Variants in KCNH1 observed in about 807,000 individuals in gnomAD.
KCNH1 encodes voltage-gated delayed rectifier potassium channel KCNH1.
Under a neutral mutation model 69.2 loss-of-function variants are expected in KCNH1, and 27 were observed. The ratio of observed to expected loss-of-function variants is 0.39; its 90% confidence interval spans 0.29 to 0.54. The LOEUF (loss-of-function observed/expected upper bound fraction) is 0.54, where lower values mean the gene tolerates loss of function less well. KCNH1 is among the 20% of genes least tolerant of loss of function. The pLI is 0.68. For missense variants in KCNH1, 798 were observed against 1,261.6 expected, an observed-to-expected ratio of 0.63 and a Z score of 5.57; for synonymous variants, 456 against 487.7, an observed-to-expected ratio of 0.93 and a Z score of 0.86.
rs1410330503 is a variant in KCNH1, at chr1:210,856,898, T to TATATATATATAA, written c.1463-52733_1463-52732insTTATATATATAT. On this transcript the variant is annotated intron_variant, in intron 7 of 10. Coordinates refer to ENST00000271751, the MANE Select transcript of KCNH1 (RefSeq NM_172362.3). ...CCCACTATATATATATATATATATA[T>TATATATATATAA]AAAATACTCATGCCTGGTGTTTACT... 2.1e-4 allele frequency among the ~76,000 whole-genome samples: 26 copies of TATATATATATAA among 121,594 alleles called. 1 individual carries two copies. Among genetic ancestry groups the TATATATATATAA allele is most frequent in the East Asian group, 3.5e-4 (1 of 2,858 alleles). The allele number at this position is 121,594 out of a possible 152,430, so 79.8% of individuals were successfully genotyped here.
chr1:210,824,318 C>G (rs1276558063), intron 7 of KCNH1, among the ~76,000 whole-genome samples: 3 of 149,970 alleles, frequency 2.0e-5, no homozygotes, highest in Non-Finnish European at 4.4e-5. Flanking sequence ...TAGATATAAT[C>G]TACATAAGAT....
intron 7 of KCNH1, among the ~76,000 whole-genome samples, chr1:210,890,223 C>T (rs1686716133): frequency 6.6e-6 from 1 of 152,014 alleles, no homozygotes; most frequent in African/African-American, 2.4e-5. Flanking sequence ...AGAACAGAGG[C>T]CTCAGAAATA....
intron 7 of KCNH1, among the ~76,000 whole-genome samples, chr1:210,857,533 C>A (rs1390468291): frequency 2.0e-5 from 3 of 152,080 alleles, no homozygotes; most frequent in Non-Finnish European, 4.4e-5. Context: ...AAAATATACC[C>A]AAATGGGTGA....
chr1:210,788,950 C>T (rs910871130), intron 9 of KCNH1, among the ~76,000 whole-genome samples: 1 of 151,966 alleles, frequency 6.6e-6, no homozygotes, highest in African/African-American at 2.4e-5. Context: ...CCCGCCTCGG[C>T]CTCCCAAAGT....
intron 7 of KCNH1, among the ~76,000 whole-genome samples, chr1:210,905,463 A>G (rs1364676112): frequency 6.6e-6 from 1 of 152,158 alleles, no homozygotes; most frequent in Non-Finnish European, 1.5e-5. Context: ...TAGTCTGATC[A>G]GGATCCAAAT....
At chr1:211,070,960 C>T (rs887438903) in intron 5 of KCNH1, among the ~76,000 whole-genome samples, 1 of 152,100 alleles carries the variant, frequency 6.6e-6, no homozygotes, top group African/African-American at 2.4e-5. Flanking sequence ...TAACTTTTGA[C>T]TCTAAAAATT....
At chr1:211,041,206 T>C (rs1689989421) in intron 5 of KCNH1, among the ~76,000 whole-genome samples, 1 of 152,180 alleles carries the variant, frequency 6.6e-6, no homozygotes, top group African/African-American at 2.4e-5. Flanking sequence ...GCTAAGGAAA[T>C]AGCTGTTGTT....
chr1:210,754,844 GCACACA>G (rs3040180), intron 10 of KCNH1, among the ~76,000 whole-genome samples: 3,579 of 148,750 alleles, frequency 0.024, 60 homozygotes, highest in African/African-American at 0.045. Flanking sequence ...GTACACACGG[GCACACA>G]CACACACACA....
chr1:210,976,165 G>A lies in KCNH1; in HGVS notation c.1032+42618C>T, dbSNP rs181759356. Among the ~76,000 whole-genome samples the A allele has an allele frequency of 2.6e-3, 397 of 152,114 alleles. 5 individuals are homozygous for A. The highest frequency in any genetic ancestry group is 3.4e-3 in the Middle Eastern group (1 of 294). Reference sequence around the variant, plus strand: ...ACACTTTTGGTGGGACTGTAAACGAGTTCAACCATTGTGGAAGACAGTGTG... The same window carrying A: ...ACACTTTTGGTGGGACTGTAAACGAATTCAACCATTGTGGAAGACAGTGTG... On this transcript the variant is annotated intron_variant, in intron 6 of 10. Coordinates refer to ENST00000271751, the MANE Select transcript of KCNH1 (RefSeq NM_172362.3).
At chr1:211,004,893 A>G (rs1212920679) in intron 6 of KCNH1, among the ~76,000 whole-genome samples, 1 of 152,144 alleles carries the variant, frequency 6.6e-6, no homozygotes, top group African/African-American at 2.4e-5. Context: ...CTAGATAGAC[A>G]CACTTCACAA....
chr1:211,005,734 T>C (rs1329837779), intron 6 of KCNH1, among the ~76,000 whole-genome samples: 1 of 152,036 alleles, frequency 6.6e-6, no homozygotes, highest in Non-Finnish European at 1.5e-5. Context: ...AAATGAAAAA[T>C]TGATATATTT....
At chr1:210,907,459 G>A (rs1480971327) in intron 7 of KCNH1, among the ~76,000 whole-genome samples, 1 of 151,868 alleles carries the variant, frequency 6.6e-6, no homozygotes, top group Non-Finnish European at 1.5e-5. Flanking sequence ...AGAAGGAAAG[G>A]GAGAATGCAG....
intron 5 of KCNH1, among the ~76,000 whole-genome samples, chr1:211,050,227 A>G (rs1690172429): frequency 6.9e-6 from 1 of 145,308 alleles, no homozygotes; most frequent in Non-Finnish European, 1.5e-5. Flanking sequence ...TTTTATGACT[A>G]CAAAGTGAGG....
intron 6 of KCNH1, among the ~76,000 whole-genome samples, chr1:210,957,143 G>C (rs891615551): frequency 6.6e-5 from 10 of 151,988 alleles, no homozygotes; most frequent in African/African-American, 2.2e-4. Flanking sequence ...CAAAGAACTT[G>C]TTTCTTTCTG....
intron 5 of KCNH1, among the ~76,000 whole-genome samples, chr1:211,070,633 G>A (rs568120081): frequency 1.3e-5 from 2 of 151,916 alleles, no homozygotes; most frequent in South Asian, 2.1e-4. Context: ...AGACCAGCCC[G>A]GCCAACATGG....
intron 5 of KCNH1, among the ~76,000 whole-genome samples, chr1:211,072,956 A>G (rs1446021261): frequency 6.6e-6 from 1 of 152,210 alleles, no homozygotes; most frequent in East Asian, 1.9e-4. Context: ...AAAAAACAAG[A>G]CCCAACTATA....
intron 7 of KCNH1, among the ~76,000 whole-genome samples, chr1:210,907,178 A>C (rs1352624122): frequency 6.6e-6 from 1 of 152,176 alleles, no homozygotes; most frequent in African/African-American, 2.4e-5. Flanking sequence ...GAGAGGTCCC[A>C]GGAACCACTC....
At chr1:210,889,095 C>A (rs1348672593) in intron 7 of KCNH1, among the ~76,000 whole-genome samples, 1 of 152,002 alleles carries the variant, frequency 6.6e-6, no homozygotes, top group Non-Finnish European at 1.5e-5. Flanking sequence ...GGCAGAGACA[C>A]AACAAAAAAA....
chr1:210,926,756 A>G (rs78922834), intron 6 of KCNH1, among the ~76,000 whole-genome samples: 2,714 of 152,300 alleles, frequency 0.018, 40 homozygotes, highest in Non-Finnish European at 0.021. Flanking sequence ...GAGGTTGATT[A>G]TTAAGCTAAT....
Sources: gnomAD v4.1 joint callset for allele counts (sites outside exome capture counted in the v4.1 genomes callset) on GRCh38, gnomAD v4.1.1 for gene constraint, MANE v1.5 for transcripts, NCBI Gene and HGNC (gene_info 2026-07-23, HGNC 2026-07-21) for gene names.